Variants in MRPL37 observed in about 807,000 individuals in gnomAD.
MRPL37 encodes large ribosomal subunit protein mL37.
Under a neutral mutation model 44.1 loss-of-function variants are expected in MRPL37, and 34 were observed. The ratio of observed to expected loss-of-function variants is 0.77; its 90% CI spans 0.59 to 1.03. The LOEUF (loss-of-function observed/expected upper bound fraction) is 1.03. Among genes scored for constraint, MRPL37 ranks in the 50% least tolerant of loss-of-function variants. The pLI is 0.00. For synonymous variants in MRPL37, 212 were observed against 219.5 expected (o/e 0.97, Z 0.30); for missense variants, 532 against 543.7 (o/e 0.98, Z 0.21).
chr1:54,202,794 A>G (rs1644094215), intron 1 of MRPL37, among the ~76,000 whole-genome samples: 4 of 152,162 alleles, frequency 2.6e-5, no homozygotes, highest in African/African-American at 4.8e-5. Context: ...TCTGGCCCAG[A>G]CACAATTTTC....
chr1:54,214,102 T>A (rs748023157), intron 5 of MRPL37, among the ~76,000 whole-genome samples: 11 of 152,160 alleles, frequency 7.2e-5, no homozygotes, highest in Non-Finnish European at 1.6e-4. Context: ...AATGTTGCTT[T>A]AACCCAGGAG....
In MRPL37 at chr1:54,200,550, G is replaced by A; in HGVS notation, c.307G>A (p.Ala103Thr). Residue 103 changes from alanine (A) to threonine (T), a missense_variant, in exon 1 of 7, where the codon GCC becomes ACC. Coordinates refer to ENST00000360840, the MANE Select transcript of MRPL37 (RefSeq NM_016491.4). ...CGAGCATCCGCTGTACAAAGACCAG[G>A]CCTGCTATATCTTTCACCACCGTTG... ...LHEHPLYKDQ[A>T]CYIFHHRCRL... 1 of 1,610,770 alleles carries A rather than the reference G, an allele frequency of 6.2e-7. No individual in the cohort carries two copies. Among genetic ancestry groups the A allele is most frequent in the South Asian group, 1.1e-5 (1 of 91,006 alleles).
chr1:54,212,727 C>T, intron 5 of MRPL37, 69 bp downstream of exon 5: 1 of 1,589,828 alleles, frequency 6.3e-7, no homozygotes, highest in Non-Finnish European at 8.6e-7. Context: ...GGTTACTGCT[C>T]AGAGGAAGAA....
downstream of MRPL37, among the ~76,000 whole-genome samples, chr1:54,222,536 CCCT>C (rs1486781509): frequency 6.6e-6 from 1 of 152,040 alleles, no homozygotes; most frequent in Non-Finnish European, 1.5e-5. Context: ...TAGCAAGAAG[CCCT>C]CTCCTCTCTG....
At position 54,205,207 on chromosome 1, in the gene MRPL37, T is replaced by C; in HGVS notation, c.530+6T>C. Reference sequence around the variant, plus strand: ...CCCAAGAGAGAGACCTACTGGTAAGTTCCCCCAAGTAAAGAAGATTTCCTA... The same window carrying C: ...CCCAAGAGAGAGACCTACTGGTAAGCTCCCCCAAGTAAAGAAGATTTCCTA... On this transcript the variant is annotated splice_donor_region_variant and intron_variant, in intron 2 of 6. Coordinates refer to ENST00000360840, the MANE Select transcript of MRPL37 (RefSeq NM_016491.4). 1 of 1,609,058 alleles carries C rather than the reference T, an allele frequency of 6.2e-7. No individual in the cohort carries two copies. Among genetic ancestry groups the C allele is most frequent in the East Asian group, 2.2e-5 (1 of 44,742 alleles).
At chr1:54,204,971 G>A (rs1208066384) in intron 1 of MRPL37, 47 bp from the exon 2 acceptor site, 8 of 1,579,788 alleles carry the variant, frequency 5.1e-6, no homozygotes, top group South Asian at 4.6e-5. Flanking sequence ...ATCTCTTCCT[G>A]AATCTTTTTC....
At chr1:54,217,095 C>A (rs1435010981) in intron 6 of MRPL37, among the ~76,000 whole-genome samples, 1 of 152,182 alleles carries the variant, frequency 6.6e-6, no homozygotes, top group Non-Finnish European at 1.5e-5. Context: ...GAGAGACCTA[C>A]AGCAGGGTCA....
chr1:54,222,056 G>A (rs577393250), downstream of MRPL37, among the ~76,000 whole-genome samples: 1 of 152,204 alleles, frequency 6.6e-6, no homozygotes, highest in African/African-American at 2.4e-5. Flanking sequence ...CCATAGGGAG[G>A]GGTGCCACTG....
At chr1:54,220,134 T>G (rs1430873790), downstream of MRPL37, among the ~76,000 whole-genome samples, 2 of 152,088 alleles carry the variant, frequency 1.3e-5, no homozygotes, top group Non-Finnish European at 2.9e-5. Context: ...GGAGTCCAGC[T>G]GGAGGCCACT....
At chr1:54,208,507 C>G (rs959968780) in intron 3 of MRPL37, among the ~76,000 whole-genome samples, 4 of 139,370 alleles carry the variant, frequency 2.9e-5, no homozygotes, top group African/African-American at 1.1e-4. Flanking sequence ...TGAGATTGCG[C>G]CACTGCACTC....
rs954247339 is a variant in MRPL37, at chr1:54,218,032, C to T, written c.1195-140C>T. ...CCCAGGCTACAGCCCCTCAATGCCC[C>T]TTCTTAGTCCGAGAGAGAGACGATG... On this transcript the variant is annotated intron_variant, in intron 6 of 6. Transcript: ENST00000360840. The T allele has an allele frequency of 4.9e-6, 4 of 823,710 alleles. No homozygotes were observed. The African/African-American group carries it at 6.7e-5, about 14-fold the overall frequency. The allele number at this position is 823,710 out of a possible 1,614,324, so 51.0% of individuals were successfully genotyped here.
rs2100496180 is a variant in MRPL37, at chr1:54,200,261, G to A, written c.18G>A (p.Gly6=). The A allele has an allele frequency of 6.3e-7, 1 of 1,593,476 alleles. No homozygotes were observed. The change falls in exon 1 of 7, where the codon GGG becomes GGA. Residue 6 remains glycine, a synonymous_variant. Coordinates refer to ENST00000360840, the MANE Select transcript of MRPL37 (RefSeq NM_016491.4). The part of the protein sequence containing the change: MALAS[G]PARRALAGSG... The stretch of plus-strand genomic sequence containing the variant: ...AGATCGGTATGGCATTGGCGTCCGG[G>A]CCCGCAAGGCGGGCGCTAGCTGGCT...
chr1:54,214,855 A>T (rs1043036310), intron 5 of MRPL37, among the ~76,000 whole-genome samples: 4 of 152,364 alleles, frequency 2.6e-5, no homozygotes, highest in South Asian at 4.1e-4. Flanking sequence ...AAGAGTCAAT[A>T]CAGAATTCTC....
chr1:54,207,160 T>C (rs1040275100), intron 3 of MRPL37, among the ~76,000 whole-genome samples: 1 of 152,226 alleles, frequency 6.6e-6, no homozygotes, highest in African/African-American at 2.4e-5. Flanking sequence ...GTGTTCTTTA[T>C]GCCCATTCTG....
chr1:54,218,084 C>T (rs1644209957), intron 6 of MRPL37, 88 bp from the exon 7 acceptor site: 2 of 1,151,250 alleles, frequency 1.7e-6, no homozygotes, highest in East Asian at 2.3e-5. Flanking sequence ...ACTGTCCAGG[C>T]ACTGAAGATT....
chr1:54,217,854 G>A (rs1315034449), intron 6 of MRPL37, among the ~76,000 whole-genome samples: 1 of 152,182 alleles, frequency 6.6e-6, no homozygotes, highest in Non-Finnish European at 1.5e-5. Flanking sequence ...ATAAATGTGT[G>A]TGGAATGGGT....
rs1644197373 is a variant in MRPL37 at position 54,216,356 on chromosome 1, C to T, written c.1194+12C>T. On this transcript the variant is annotated intron_variant, in intron 6 of 6. Transcript: ENST00000360840. ...AGAGAGTGGTTGTGGTAAGTTGAGC[C>T]ATCTCCTGCCTGACCCAGGAGGGCC... 1 of 1,613,016 alleles carries T rather than the reference C, an allele frequency of 6.2e-7. No homozygotes were observed. The highest frequency in any genetic ancestry group is 1.7e-5 in the Admixed American group (1 of 59,958).
At chr1:54,224,717 A>T (rs573961622), downstream of MRPL37, among the ~76,000 whole-genome samples, 6 of 151,642 alleles carry the variant, frequency 4.0e-5, no homozygotes, top group Admixed American at 2.0e-4. Flanking sequence ...AGGGAAGTAC[A>T]AAGTTCTTTC....
chr1:54,217,759 T>C (rs1644208105), intron 6 of MRPL37, among the ~76,000 whole-genome samples: 1 of 152,196 alleles, frequency 6.6e-6, no homozygotes, highest in Non-Finnish European at 1.5e-5. Context: ...GGTAAGCTCC[T>C]TGAGGACAGG....
Sources: allele counts gnomAD v4.1 joint callset (sites outside exome capture counted in the v4.1 genomes callset), GRCh38; gene constraint gnomAD v4.1.1; transcripts MANE v1.5; gene names NCBI Gene and HGNC (gene_info 2026-07-23, HGNC 2026-07-21).